Variants in ZNF609 observed in about 807,000 individuals in gnomAD.
The protein encoded by ZNF609 is zinc finger protein 609.
Under a neutral mutation model 109.5 loss-of-function variants are expected in ZNF609, and 11 were observed. That is an observed-to-expected ratio of 0.10 (90% confidence interval 0.06 to 0.17). ZNF609 has a LOEUF of 0.17. Ranked by LOEUF, ZNF609 falls within the 10% of genes least tolerant of loss-of-function variation. The probability of loss-of-function intolerance (pLI) is 1.00; values close to 1 mark genes in which losing one functional copy is unlikely to be tolerated. For missense variants in ZNF609, 1,559 were observed against 1,772.4 expected, an observed-to-expected ratio of 0.88 and a Z score of 2.16; for synonymous variants, 646 against 662.0, an observed-to-expected ratio of 0.98 and a Z score of 0.37.
At chr15:64,541,574 C>G (rs1894263339) in intron 2 of ZNF609, among the ~76,000 whole-genome samples, 1 of 151,916 alleles carries the variant, frequency 6.6e-6, no homozygotes, top group African/African-American at 2.4e-5. Context: ...GGTGCCGTGG[C>G]TCATGCCTGT....
intron 3 of ZNF609, chr15:64,631,504 C>CT (rs1192879064): frequency 1.5e-6 from 1 of 682,090 alleles, no homozygotes; most frequent in Non-Finnish European, 2.7e-6. Flanking sequence ...TTCGCATATA[C>CT]ATGGCCAAAG....
intron 6 of ZNF609, 116 bp downstream of exon 6, chr15:64,678,598 C>G: frequency 7.0e-7 from 1 of 1,432,030 alleles, no homozygotes; most frequent in Non-Finnish European, 9.3e-7. Flanking sequence ...GCTTAGATGA[C>G]GGACCTTTTT....
At chr15:64,634,931 A>AC (rs1182067924) in intron 3 of ZNF609, among the ~76,000 whole-genome samples, 1 of 151,830 alleles carries the variant, frequency 6.6e-6, no homozygotes, top group Non-Finnish European at 1.5e-5. Context: ...CTAGCAGCTT[A>AC]CTCCCAGAGG....
At chr15:64,467,596 A>G (rs1893033695) in intron 1 of ZNF609, among the ~76,000 whole-genome samples, 1 of 152,190 alleles carries the variant, frequency 6.6e-6, no homozygotes, top group African/African-American at 2.4e-5. Flanking sequence ...CCTCTAATCT[A>G]AGCACTTTGG....
intron 1 of ZNF609, among the ~76,000 whole-genome samples, chr15:64,469,505 T>G (rs1465533263): frequency 6.6e-6 from 1 of 151,978 alleles, no homozygotes; most frequent in African/African-American, 2.4e-5. Context: ...AGCATCTTTT[T>G]TTTTTTTATT....
intron 3 of ZNF609, 22 bp downstream of exon 3, chr15:64,623,074 C>T: frequency 6.2e-7 from 1 of 1,608,030 alleles, no homozygotes; most frequent in Non-Finnish European, 8.5e-7. Flanking sequence ...ATGTGGCTTT[C>T]CCCTCCCTTC....
At chr15:64,560,528 A>G (rs1410753099) in intron 2 of ZNF609, among the ~76,000 whole-genome samples, 1 of 152,078 alleles carries the variant, frequency 6.6e-6, no homozygotes, top group Admixed American at 6.6e-5. Flanking sequence ...TTTAGATGCT[A>G]AGAGAAAACT....
At chr15:64,611,193 A>AT (rs1895711307) in intron 2 of ZNF609, among the ~76,000 whole-genome samples, 2 of 152,182 alleles carry the variant, frequency 1.3e-5, no homozygotes, top group African/African-American at 4.8e-5. Context: ...CCTTGTAACC[A>AT]TACAGGAATA....
intron 3 of ZNF609, among the ~76,000 whole-genome samples, chr15:64,666,993 G>A (rs1355313026): frequency 1.3e-5 from 2 of 152,150 alleles, no homozygotes; most frequent in East Asian, 1.9e-4. Flanking sequence ...AGCCGGGTGT[G>A]GTGATGTGCG....
chr15:64,582,112 T>C (rs996101649), intron 2 of ZNF609, among the ~76,000 whole-genome samples: 3 of 152,304 alleles, frequency 2.0e-5, no homozygotes, highest in Middle Eastern at 6.8e-3. Flanking sequence ...ACTCCCATAG[T>C]CGTACTCTAG....
chr15:64,616,883 A>G (rs1052217703), intron 2 of ZNF609, among the ~76,000 whole-genome samples: 2 of 123,936 alleles, frequency 1.6e-5, no homozygotes, highest in African/African-American at 6.3e-5. Flanking sequence ...ATCTCAGCTC[A>G]CTGCAACCTC....
At chr15:64,652,956 C>A (rs946461639) in intron 3 of ZNF609, 4 of 153,230 alleles carry the variant, frequency 2.6e-5, no homozygotes, top group African/African-American at 9.6e-5. Context: ...TTTGTTCCAT[C>A]TCTAATCCCA....
At chr15:64,672,006 CTTTTTTT>C (rs771330218) in intron 4 of ZNF609, among the ~76,000 whole-genome samples, 2 of 86,754 alleles carry the variant, frequency 2.3e-5, no homozygotes, top group Non-Finnish European at 4.2e-5. Context: ...GAGGCTTAGA[CTTTTTTT>C]TTTTTTTTTT....
At chr15:64,525,217 C>A (rs1893953037) in intron 2 of ZNF609, among the ~76,000 whole-genome samples, 1 of 152,106 alleles carries the variant, frequency 6.6e-6, no homozygotes, top group Non-Finnish European at 1.5e-5. Context: ...ATAGCTCTTA[C>A]ATTTAGGTAT....
upstream of ZNF609, among the ~76,000 whole-genome samples, chr15:64,460,272 A>G (rs973562584): frequency 1.3e-5 from 2 of 152,076 alleles, no homozygotes; most frequent in Non-Finnish European, 2.9e-5. Context: ...AGACCTCTCT[A>G]TGAGGAAGTC....
intron 1 of ZNF609, among the ~76,000 whole-genome samples, chr15:64,475,392 CTTTT>C (rs35289626): frequency 9.1e-6 from 1 of 109,586 alleles, no homozygotes; most frequent in Non-Finnish European, 1.7e-5. Flanking sequence ...CACATGTTGT[CTTTT>C]TTTTTTTTTT....
intron 2 of ZNF609, among the ~76,000 whole-genome samples, chr15:64,569,688 C>G (rs951055550): frequency 1.3e-5 from 2 of 152,244 alleles, no homozygotes; most frequent in Non-Finnish European, 2.9e-5. Flanking sequence ...ATAGTTTTAT[C>G]ATCTTGTCTT....
intron 2 of ZNF609, among the ~76,000 whole-genome samples, chr15:64,609,130 T>TTTTCTTTCTTTCTTTCTTTCTTTC (rs1895671465): frequency 3.6e-5 from 3 of 84,212 alleles, no homozygotes; most frequent in African/African-American, 1.3e-4. Context: ...CTTTCTTTCT[T>TTTTCTTTCTTTCTTTCTTTCTTTC]TTTTTCTTTC....
chr15:64,599,596 TCTTA>T (rs1367317513), intron 2 of ZNF609, among the ~76,000 whole-genome samples: 2 of 152,286 alleles, frequency 1.3e-5, no homozygotes, highest in East Asian at 1.9e-4. Flanking sequence ...TTCTGATCAT[TCTTA>T]CTTATGTTTT....
Sources: allele counts gnomAD v4.1 joint callset (sites outside exome capture counted in the v4.1 genomes callset), GRCh38; gene constraint gnomAD v4.1.1; transcripts MANE v1.5; gene names NCBI Gene and HGNC (gene_info 2026-07-23, HGNC 2026-07-21).